Variants in ACCSL observed in about 807,000 individuals in gnomAD.
The protein encoded by ACCSL is 1-aminocyclopropane-1-carboxylate synthase homolog (inactive) like.
In ACCSL, 55 loss-of-function variants were observed where a neutral mutation model predicts 61.7. The observed-to-expected ratio is 0.89, with a 90% confidence interval of 0.72 to 1.12. The LOEUF is 1.12. Among genes scored for constraint, ACCSL ranks in the 50% most tolerant of loss-of-function variants. The probability of loss-of-function intolerance (pLI) is 0.00; values close to 1 mark genes in which losing one functional copy is unlikely to be tolerated. For missense variants in ACCSL, 632 were observed against 698.0 expected, an observed-to-expected ratio of 0.91 and a Z score of 1.07; for synonymous variants, 258 against 264.3, an observed-to-expected ratio of 0.98 and a Z score of 0.23.
At chr11:43,936,938 A>G in the ACCSL span, among the ~76,000 whole-genome samples, 3 of 151,950 alleles carry the variant, frequency 2.0e-5, no homozygotes, top group Non-Finnish European at 4.4e-5. Flanking sequence ...AAGACCCAGG[A>G]GGGGATGATC....
chr11:44,045,800 T>A (rs1590425876), upstream of ACCSL, among the ~76,000 whole-genome samples: 1 of 152,200 alleles, frequency 6.6e-6, no homozygotes, highest in East Asian at 1.9e-4. Context: ...TGGGCTGAGC[T>A]GGCTGATGTT....
the ACCSL span, among the ~76,000 whole-genome samples, chr11:43,956,516 T>A: frequency 1.3e-5 from 2 of 151,962 alleles, no homozygotes; most frequent in Non-Finnish European, 2.9e-5. Context: ...GCCTCCTGGG[T>A]TCAAGTGATT....
At chr11:44,002,341 G>A in the ACCSL span, among the ~76,000 whole-genome samples, 3 of 152,164 alleles carry the variant, frequency 2.0e-5, no homozygotes, top group South Asian at 2.1e-4. Context: ...ACCTGCACCC[G>A]GGTGGGGTGA....
chr11:43,956,514 G>A, the ACCSL span, among the ~76,000 whole-genome samples: 1 of 152,078 alleles, frequency 6.6e-6, no homozygotes, highest in Non-Finnish European at 1.5e-5. Flanking sequence ...CAGCCTCCTG[G>A]GTTCAAGTGA....
At chr11:43,952,278 T>C in the ACCSL span, among the ~76,000 whole-genome samples, 2 of 152,206 alleles carry the variant, frequency 1.3e-5, no homozygotes, top group Non-Finnish European at 2.9e-5. Context: ...TTTGTGTTCA[T>C]GTGTACTCAA....
At chr11:43,926,124 G>T in the ACCSL span, among the ~76,000 whole-genome samples, 1 of 152,258 alleles carries the variant, frequency 6.6e-6, no homozygotes, top group East Asian at 1.9e-4. Context: ...TGAAAATTGT[G>T]TGCGAGTGGA....
the ACCSL span, among the ~76,000 whole-genome samples, chr11:43,963,894 A>T: frequency 2.0e-5 from 3 of 152,182 alleles, no homozygotes; most frequent in African/African-American, 7.2e-5. Flanking sequence ...AATGTACTTA[A>T]TGCTTTTTGG....
chr11:44,003,218 C>T, the ACCSL span, among the ~76,000 whole-genome samples: 13,687 of 152,202 alleles, frequency 0.09, 751 homozygotes, highest in East Asian at 0.31. Context: ...AAGCAGGTCA[C>T]GGAAGTCACC....
the ACCSL span, among the ~76,000 whole-genome samples, chr11:44,037,427 G>A: frequency 2.0e-5 from 3 of 152,238 alleles, no homozygotes; most frequent in Non-Finnish European, 4.4e-5. Context: ...GGTCACGCAC[G>A]CGCGGATGGC....
intron 8 of ACCSL, 84 bp downstream of exon 8, chr11:44,053,590 TG>T (rs1952653133): frequency 1.6e-6 from 2 of 1,266,104 alleles, no homozygotes; most frequent in Admixed American, 3.5e-5. Context: ...GAGCCAGATC[TG>T]GTGGCACATG....
the ACCSL span, among the ~76,000 whole-genome samples, chr11:43,983,638 C>A: frequency 6.6e-6 from 1 of 150,694 alleles, no homozygotes. Context: ...TATTGCCTTC[C>A]ATCAACAGAA....
chr11:43,943,296 C>A, the ACCSL span: 22 of 1,456,620 alleles, frequency 1.5e-5, no homozygotes, highest in African/African-American at 2.6e-4. This position sits in a 1 kb window ranked among gnomAD's most constrained non-coding sequence, Gnocchi z 4.8. Flanking sequence ...GCGGGGGGGA[C>A]GCGCGCGTCC....
At chr11:43,986,838 G>A in the ACCSL span, among the ~76,000 whole-genome samples, 3 of 152,112 alleles carry the variant, frequency 2.0e-5, no homozygotes, top group African/African-American at 7.2e-5. Flanking sequence ...GGTTTGCGGT[G>A]CAAATTCTAG....
intron 7 of ACCSL, 124 bp downstream of exon 7, chr11:44,053,192 A>G (rs2134771128): frequency 1.1e-6 from 1 of 932,598 alleles, no homozygotes; most frequent in Non-Finnish European, 1.7e-6. Flanking sequence ...AAGAGACAGT[A>G]AATGATCCAG....
At position 44,048,478 on chromosome 11, in the gene ACCSL, T is replaced by G. The variant is rs1306237338; in HGVS notation, c.442T>G (p.Ser148Ala). 1.9e-6 allele frequency: 3 copies of G among 1,609,358 alleles called. No homozygotes were observed. In the South Asian group the frequency reaches 3.3e-5, roughly 18 times the overall value. ...GATTGACATCTCTGTCTTTTATCAG[T>G]CGAGCTTCCAGGACTACAATGCCTA... The part of the protein sequence containing the change: ...RGIDISVFYQ[S>A]SFQDYNAYQK... Residue 148 changes from serine to alanine, a missense_variant, in exon 1 of 14, where the codon TCG (serine) becomes GCG (alanine). By Grantham distance (99) the Ser-to-Ala change is moderately conservative. Coordinates refer to ENST00000378832, the MANE Select transcript of ACCSL (RefSeq NM_001031854.2).
At chr11:43,966,162 A>G in the ACCSL span, among the ~76,000 whole-genome samples, 1 of 152,220 alleles carries the variant, frequency 6.6e-6, no homozygotes, top group Non-Finnish European at 1.5e-5. Context: ...ACAGTGGCTC[A>G]TGCCTGTAAT....
the ACCSL span, among the ~76,000 whole-genome samples, chr11:44,039,961 C>T: frequency 2.9e-3 from 447 of 152,344 alleles, 3 homozygotes; most frequent in East Asian, 0.03. Flanking sequence ...CCTCATACCA[C>T]CCTCGGGGAG....
the ACCSL span, among the ~76,000 whole-genome samples, chr11:44,009,799 A>G: frequency 1.3e-5 from 2 of 152,096 alleles, no homozygotes; most frequent in Non-Finnish European, 2.9e-5. Context: ...ATCAAATAGA[A>G]TGAGAACCAA....
the ACCSL span, among the ~76,000 whole-genome samples, chr11:43,959,068 A>G: frequency 6.6e-6 from 1 of 152,114 alleles, no homozygotes; most frequent in Non-Finnish European, 1.5e-5. Flanking sequence ...AGCCCTCATG[A>G]TTTAATCAAT....
Sources: allele counts gnomAD v4.1 joint callset (sites outside exome capture counted in the v4.1 genomes callset), GRCh38; gene constraint gnomAD v4.1.1; non-coding constraint Gnocchi (gnomAD v3.1); transcripts MANE v1.5; gene names NCBI Gene and HGNC (gene_info 2026-07-23, HGNC 2026-07-21).